The following SLC52A2 variants were observed in gnomAD, a reference collection of about 807,000 sequenced individuals.
The protein encoded by SLC52A2 is solute carrier family 52 member 2.
A neutral mutation model predicts 24.8 loss-of-function variants in SLC52A2; 16 were observed. That is an observed-to-expected ratio of 0.64 (90% CI 0.44 to 0.98). The LOEUF is 0.98. Ranked by LOEUF, SLC52A2 falls within the 50% of genes least tolerant of loss-of-function variation. The pLI, the probability that SLC52A2 is intolerant of heterozygous loss-of-function variation, is 0.00. For synonymous variants in SLC52A2, 335 were observed against 276.3 expected (o/e 1.21, Z -2.11); for missense variants, 612 against 575.9 (o/e 1.06, Z -0.64).
chr8:144,358,627 C>G lies in SLC52A2; in HGVS notation c.-549C>G. 1.4e-6 allele frequency: 1 copy of G among 726,320 alleles called. No individual in the cohort carries two copies. Among genetic ancestry groups the G allele is most frequent in the East Asian group, 3.5e-5 (1 of 28,822 alleles). The allele number at this position is 726,320 out of a possible 1,614,324, so 45.0% of individuals were successfully genotyped here. A position where few individuals can be genotyped will look rare whatever the true frequency, so the allele number is the denominator to read the frequency against. ...CCGCCACGGGTGAGTCGGGTCGTGG[C>G]TGCTGCCGGGTCCTGCGCGCTCCGG... On this transcript the variant is annotated 5_prime_UTR_variant, in exon 1 of 5. Coordinates refer to ENST00000643944, the MANE Select transcript of SLC52A2 (RefSeq NM_001363118.2).
Position 144,360,726 on chromosome 8 carries a change from G to A in SLC52A2, c.1125+13G>A. 1 of 1,603,304 alleles carries A rather than the reference G, an allele frequency of 6.2e-7. No individual in the cohort carries two copies. Among genetic ancestry groups the A allele is most frequent in the East Asian group, 2.2e-5 (1 of 44,748 alleles). ...GGTGGTCCTCGTGGTGAGCACAGGG[G>A]GACATGAAGTGGGGTGGGGGGGCGT... On this transcript the variant is annotated intron_variant, in intron 4 of 4. Transcript: ENST00000643944.
At chr8:144,358,578 G>A (rs1818590309), upstream of SLC52A2, 2 of 1,157,842 alleles carry the variant, frequency 1.7e-6, no homozygotes, top group East Asian at 6.4e-5. Context: ...CCGGTCGTGG[G>A]CCATGCCGGG....
In SLC52A2 at chr8:144,360,162, G is replaced by T. The variant is rs1554854130; in HGVS notation, c.670G>T (p.Val224Leu). The change falls in exon 3 of 5, where the codon GTA (valine) becomes TTA (leucine). Residue 224 changes from valine (V) to leucine (L), a missense_variant. By Grantham distance (32) the Val-to-Leu change is conservative. Coordinates refer to ENST00000643944, the MANE Select transcript of SLC52A2 (RefSeq NM_001363118.2). ...LLLLLPPPPS[V>L]PTGELGSGLQ... ...GCTGCTGTTGCCGCCACCACCATCT[G>T]TACCCACAGGGGAGTTAGGATCAGG... is the stretch of plus-strand genomic sequence containing the variant. 1.2e-6 allele frequency: 2 copies of T among 1,612,770 alleles called. No homozygotes were observed. The highest frequency in any genetic ancestry group is 2.7e-5 in the African/African-American group (2 of 74,902).
intron 2 of SLC52A2, 54 bp downstream of exon 2, chr8:144,359,477 G>C: frequency 6.2e-7 from 1 of 1,613,788 alleles, no homozygotes; most frequent in South Asian, 1.1e-5. Context: ...GCGGTCAGTG[G>C]GATCTGGGTG....
At position 144,360,076 on chromosome 8, in the gene SLC52A2, CCTT is replaced by C. The variant is rs781879748; in HGVS notation, c.590_592del (p.Phe197del). 4 of 1,612,876 alleles carry C rather than the reference CCTT, an allele frequency of 2.5e-6. No homozygotes were observed. The highest frequency in any genetic ancestry group is 1.3e-5 in the African/African-American group (1 of 74,928). On this transcript the variant is annotated inframe_deletion, in exon 3 of 5. Coordinates refer to ENST00000643944, the MANE Select transcript of SLC52A2 (RefSeq NM_001363118.2). ...TTCCTTGAGCGTTTTCCCGCCAGCA[CCTT>C]CTTCTGGGCACTGACTGCCCTTCTG... is the stretch of plus-strand genomic sequence containing the variant.
At chr8:144,360,768 C>G in intron 4 of SLC52A2, 35 bp from the exon 5 acceptor site, 7 of 1,608,042 alleles carry the variant, frequency 4.4e-6, no homozygotes, top group Non-Finnish European at 6.0e-6. Context: ...GGAGCAGGCA[C>G]ATCTCACGCT....
rs1213725642 is a variant in SLC52A2 at position 144,359,739 on chromosome 8, G to A, written c.247G>A (p.Val83Met). 2 of 1,613,550 alleles carry A rather than the reference G, an allele frequency of 1.2e-6. No individual in the cohort carries two copies. Among genetic ancestry groups the A allele is most frequent in the African/African-American group, 1.3e-5 (1 of 74,930 alleles). ...AAAGGACGAGCAGGTCCCCATCCGG[G>A]TGGTGCAGGTGCTGGGCATGGTGGG... ...PGKDEQVPIR[V>M]VQVLGMVGTA... The change falls in exon 3 of 5, where the codon GTG becomes ATG. Residue 83 changes from valine to methionine, a missense_variant. Coordinates refer to ENST00000643944, the MANE Select transcript of SLC52A2 (RefSeq NM_001363118.2).
In SLC52A2 at chr8:144,359,937, C is replaced by T. The variant is rs782110520; in HGVS notation, c.445C>T (p.Leu149=). 4 of 1,613,416 alleles carry T rather than the reference C, an allele frequency of 2.5e-6. No individual in the cohort carries two copies. The East Asian group carries it at 8.9e-5, about 36-fold the overall frequency. The stretch of plus-strand genomic sequence containing the variant: ...ACCTCGCTTCTTACGGTCATTCTTC[C>T]TGGGTCAAGGCCTGAGTGCCCTGCT... ...LPPRFLRSFF[L]GQGLSALLPC... is the part of the protein sequence containing the mutation. The change falls in exon 3 of 5, where the codon CTG becomes TTG. Residue 149 remains leucine (L), a synonymous_variant. Transcript: ENST00000643944.
chr8:144,360,806 C>A lies in SLC52A2; in HGVS notation c.1129C>A (p.Leu377Met). The change falls in exon 5 of 5, where the codon CTG (leucine) becomes ATG (methionine). Residue 377 changes from leucine to methionine, a missense_variant. Physicochemically the swap from Leu to Met is conservative, Grantham distance 15 (BLOSUM62 2). Transcript: ENST00000643944. The stretch of plus-strand genomic sequence containing the variant: ...GCTGGTGCTGTGTCCCCCTCAGGTG[C>A]TGTCGTGGGTGCTGTGTCTTGGCGT... ...GTSAGVVLVV[L>M]SWVLCLGVFS... is the part of the protein sequence containing the mutation. 1 of 1,612,394 alleles carries A rather than the reference C, an allele frequency of 6.2e-7. No individual in the cohort carries two copies. The highest frequency in any genetic ancestry group is 1.1e-5 in the South Asian group (1 of 91,014).
At position 144,359,306 on chromosome 8, in the gene SLC52A2, A is replaced by G. The variant is rs781993535; in HGVS notation, c.13A>G (p.Thr5Ala). 3 of 1,612,764 alleles carry G rather than the reference A, an allele frequency of 1.9e-6. No individual in the cohort carries two copies. Among genetic ancestry groups the G allele is most frequent in the Non-Finnish European group, 2.5e-6 (3 of 1,179,464 alleles). The change falls in exon 2 of 5, where the codon ACG becomes GCG. Residue 5 changes from threonine (T) to alanine (A), a missense_variant. Coordinates refer to ENST00000643944, the MANE Select transcript of SLC52A2 (RefSeq NM_001363118.2). Reference sequence around the variant, plus strand: ...AGCCTTGGGCTGAATGGCAGCACCCACGCCCGCCCGTCCGGTGCTGACCCA... The same window carrying G: ...AGCCTTGGGCTGAATGGCAGCACCCGCGCCCGCCCGTCCGGTGCTGACCCA... MAAP[T>A]PARPVLTHLL... is the part of the protein sequence containing the mutation.
At position 144,358,806 on chromosome 8, in the gene SLC52A2, C is replaced by G. The variant is rs1818612506; in HGVS notation, c.-370C>G. The G allele has an allele frequency of 4.2e-6, 1 of 238,526 alleles. No homozygotes were observed. The highest frequency in any genetic ancestry group is 8.1e-6 in the Non-Finnish European group (1 of 123,844). 14.8% of individuals were successfully genotyped at this position (238,526 alleles called of 1,614,324 possible). On this transcript the variant is annotated 5_prime_UTR_variant, in exon 1 of 5. Transcript: ENST00000643944. ...ACGGTACCGAGAGGGCGGCGCCCCT[C>G]CGAGCAGAGCCGTCCCGGCCACTCC...
rs1554853887 is a variant in SLC52A2 at position 144,359,742 on chromosome 8, G to T, written c.250G>T (p.Val84Leu). The T allele has an allele frequency of 4.3e-6, 7 of 1,613,622 alleles. No individual in the cohort carries two copies. The highest frequency in any genetic ancestry group is 1.1e-5 in the South Asian group (1 of 91,086). ...GKDEQVPIRV[V>L]QVLGMVGTAL... ...GGACGAGCAGGTCCCCATCCGGGTG[G>T]TGCAGGTGCTGGGCATGGTGGGCAC... is the stretch of plus-strand genomic sequence containing the variant. The change falls in exon 3 of 5, where the codon GTG becomes TTG. Residue 84 changes from valine (V) to leucine (L), a missense_variant. Val to Leu is a conservative substitution (Grantham distance 32). Transcript: ENST00000643944.
rs926685202 is a variant in SLC52A2 at position 144,359,784 on chromosome 8, C to T, written c.292C>T (p.Leu98=). The T allele has an allele frequency of 2.5e-6, 4 of 1,613,592 alleles. No individual in the cohort carries two copies. Among genetic ancestry groups the T allele is most frequent in the Non-Finnish European group, 3.4e-6 (4 of 1,180,026 alleles). The change falls in exon 3 of 5, where the codon CTG becomes TTG. Residue 98 remains leucine, a synonymous_variant. Transcript: ENST00000643944. The stretch of plus-strand genomic sequence containing the variant: ...GGTGGGCACAGCCCTGCTGGCCTCT[C>T]TGTGGCACCATGTGGCCCCAGTGGC... ...GMVGTALLAS[L]WHHVAPVAGQ...
chr8:144,360,427 T>C lies in SLC52A2; in HGVS notation c.935T>C (p.Leu312Pro), dbSNP rs754320812. ...CLPYGRLAYH[L>P]AVVLGSAANP... ...CCCTACGGGCGTCTGGCCTACCACC[T>C]GGCTGTGGTGCTGGGCAGTGCTGCC... Residue 312 changes from leucine (L) to proline (P), a missense_variant, in exon 3 of 5, where the codon CTG (leucine) becomes CCG (proline). Transcript: ENST00000643944. 8.6e-5 allele frequency: 138 copies of C among 1,606,368 alleles called. No individual in the cohort carries two copies. The highest frequency in any genetic ancestry group is 1.1e-4 in the Non-Finnish European group (134 of 1,179,972).
Position 144,359,856 on chromosome 8 carries a change from G to GC in SLC52A2, c.365dup (p.Leu123ThrfsTer67). On this transcript the variant is annotated frameshift_variant, in exon 3 of 5. Transcript: ENST00000643944. LOFTEE classifies it high-confidence loss of function. ...CTTCTTAGCACTGGCCTTTGTGCTG[G>GC]CACTGGCATGCTGTGCCTCGAATGT... 6.2e-7 allele frequency: 1 copy of GC among 1,613,754 alleles called. No individual in the cohort carries two copies. The highest frequency in any genetic ancestry group is 1.1e-5 in the South Asian group (1 of 91,088).
Position 144,361,022 on chromosome 8 carries a change from G to A in SLC52A2, c.*7G>A. 6.2e-7 allele frequency: 1 copy of A among 1,610,252 alleles called. No individual in the cohort carries two copies. The highest frequency in any genetic ancestry group is 8.5e-7 in the Non-Finnish European group (1 of 1,177,676). ...AGACCCCTGTGACTCCTGAGCCTGG[G>A]CAGGTGGGGACCCCGCTCCCCAACA... is the stretch of plus-strand genomic sequence containing the variant. On this transcript the variant is annotated 3_prime_UTR_variant, in exon 5 of 5. Transcript: ENST00000643944.
At position 144,359,422 on chromosome 8, in the gene SLC52A2, G is replaced by A. The variant is rs1818672253; in HGVS notation, c.129G>A (p.Glu43=). The change falls in exon 2 of 5, where the codon GAG becomes GAA. Residue 43 remains glutamate, a splice_region_variant and synonymous_variant. Transcript: ENST00000643944. The part of the protein sequence containing the change: ...ELPVVVKELP[E]GWSLPSYVSV... ...CTGTGGTGGTCAAAGAGCTTCCAGA[G>A]GGTGAGTGGGAGGGAGGTGCAGGTG... 5 of 1,613,704 alleles carry A rather than the reference G, an allele frequency of 3.1e-6. No homozygotes were observed. The highest frequency in any genetic ancestry group is 4.2e-6 in the Non-Finnish European group (5 of 1,179,882).
intron 1 of SLC52A2, 35 bp from the exon 2 acceptor site, chr8:144,359,149 C>T: frequency 7.7e-6 from 10 of 1,299,422 alleles, no homozygotes; most frequent in Non-Finnish European, 9.4e-6. Flanking sequence ...CTGACTCCGG[C>T]TCTGCATCCT....
rs764545993 is a variant in SLC52A2, at chr8:144,360,355, C to T, written c.863C>T (p.Ala288Val). Residue 288 changes from alanine to valine, a missense_variant, in exon 3 of 5, where the codon GCG (alanine) becomes GTG (valine). Physicochemically the swap from Ala to Val is moderately conservative, Grantham distance 64. Transcript: ENST00000643944. Reference protein sequence around the residue: ...CLLGLLAATNALTNGVLPAVQ... With the variant: ...CLLGLLAATNVLTNGVLPAVQ... Reference sequence around the variant, plus strand: ...CTGGGCCTGTTGGCCGCCACCAACGCGCTGACCAATGGCGTGCTGCCTGCC... The same window carrying T: ...CTGGGCCTGTTGGCCGCCACCAACGTGCTGACCAATGGCGTGCTGCCTGCC... The T allele has an allele frequency of 2.2e-4, 358 of 1,608,548 alleles. No homozygotes were observed. Among genetic ancestry groups the T allele is most frequent in the Non-Finnish European group, 2.8e-4 (333 of 1,180,012 alleles).
Sources: allele counts gnomAD v4.1 joint callset, GRCh38; gene constraint gnomAD v4.1.1; transcripts MANE v1.5; gene names NCBI Gene and HGNC (gene_info 2026-07-23, HGNC 2026-07-21).